DCDC1: variants seen among roughly 807,000 people sequenced by gnomAD.
DCDC1 encodes the protein doublecortin domain-containing protein 1.
DCDC1 carries 200 observed loss-of-function variants against 178.3 expected under a neutral mutation model. The ratio of observed to expected loss-of-function variants is 1.12; its 90% CI spans 1.00 to 1.26. The LOEUF (loss-of-function observed/expected upper bound fraction) is 1.26, where lower values mean the gene tolerates loss of function less well. Among genes scored for constraint, DCDC1 ranks in the 50% most tolerant of loss-of-function variants. The pLI is 0.00. For synonymous variants in DCDC1, 690 were observed against 604.8 expected, an observed-to-expected ratio of 1.14 and a Z score of -2.07; for missense variants, 1,983 against 1,749.2, an observed-to-expected ratio of 1.13 and a Z score of -2.38.
At chr11:31,359,430 G>T (rs1352486021) in intron 1 of DCDC1, among the ~76,000 whole-genome samples, 1 of 133,656 alleles carries the variant, frequency 7.5e-6, no homozygotes, top group Non-Finnish European at 1.6e-5. Flanking sequence ...TCTGGGGACT[G>T]TTGTGGGGTG....
chr11:31,293,852 G>A (rs1211845265), intron 6 of DCDC1, among the ~76,000 whole-genome samples: 2 of 152,162 alleles, frequency 1.3e-5, no homozygotes, highest in Admixed American at 6.5e-5. Context: ...CCTAATCACT[G>A]CACTCTTTTG....
intron 9 of DCDC1, among the ~76,000 whole-genome samples, chr11:31,186,856 T>C (rs1237479805): frequency 6.6e-6 from 1 of 152,200 alleles, no homozygotes. Flanking sequence ...TCCAATTATA[T>C]CTGTTGCAAA....
At position 31,290,859 on chromosome 11, in the gene DCDC1, G is replaced by A. The variant is rs762494038; in HGVS notation, c.755-7C>T. On this transcript the variant is annotated splice_polypyrimidine_tract_variant and splice_region_variant and intron_variant, in intron 6 of 38. Transcript: ENST00000684477. ...TTAATTAACAACAGATGGTCTAGAA[G>A]ATAATTTTTTAAGTCAAGTCAATAT... 1 of 1,600,806 alleles carries A rather than the reference G, an allele frequency of 6.2e-7. No individual in the cohort carries two copies. The highest frequency in any genetic ancestry group is 1.1e-5 in the South Asian group (1 of 88,172).
intron 7 of DCDC1, among the ~76,000 whole-genome samples, chr11:31,277,550 A>C (rs949023609): frequency 6.6e-6 from 1 of 152,056 alleles, no homozygotes; most frequent in African/African-American, 2.4e-5. Context: ...TAAATATAAG[A>C]TTTGCTATTT....
At chr11:31,226,553 T>A (rs1974976856) in intron 9 of DCDC1, among the ~76,000 whole-genome samples, 1 of 151,822 alleles carries the variant, frequency 6.6e-6, no homozygotes, top group African/African-American at 2.4e-5. Context: ...AGTCATTACA[T>A]AAAGATGTAC....
At chr11:31,106,474 G>C (rs1335466759) in intron 13 of DCDC1, among the ~76,000 whole-genome samples, 2 of 152,170 alleles carry the variant, frequency 1.3e-5, no homozygotes, top group Non-Finnish European at 2.9e-5. Flanking sequence ...AGTGTGATGG[G>C]CTTGGGCCCC....
chr11:31,324,734 T>C (rs1949557137), intron 3 of DCDC1, among the ~76,000 whole-genome samples: 1 of 152,090 alleles, frequency 6.6e-6, no homozygotes, highest in African/African-American at 2.4e-5. Context: ...GAAAAGGCAA[T>C]GTTTATATTT....
chr11:31,292,161 A>G (rs1340229958), intron 6 of DCDC1, among the ~76,000 whole-genome samples: 1 of 152,176 alleles, frequency 6.6e-6, no homozygotes, highest in Non-Finnish European at 1.5e-5. Flanking sequence ...AAGAGAAAAA[A>G]CATTTTAACA....
intron 11 of DCDC1, among the ~76,000 whole-genome samples, chr11:31,114,804 A>G (rs1174723952): frequency 3.9e-5 from 6 of 152,122 alleles, no homozygotes; most frequent in Admixed American, 2.6e-4. Context: ...TTATTAACAC[A>G]TTTTTTAAAA....
chr11:30,888,455 C>T (rs904130009), intron 36 of DCDC1, among the ~76,000 whole-genome samples: 2 of 152,180 alleles, frequency 1.3e-5, no homozygotes, highest in South Asian at 2.1e-4. Context: ...CGGTGGCTCA[C>T]GCCTGTAATC....
In DCDC1 at chr11:30,915,709, C is replaced by T. The variant is rs750386060; in HGVS notation, c.3455G>A (p.Cys1152Tyr). Residue 1152 changes from cysteine to tyrosine, a missense_variant and splice_region_variant, in exon 27 of 39, where the codon TGT becomes TAT. Transcript: ENST00000684477. ...ENVEPQKKHS[C>Y]SPKHSKLHKH... ...GTGCAATTTACTATGCTTTGGTGAA[C>T]AGCTGAGATAAAGAAATCTCTATTA... 6.5e-5 allele frequency: 104 copies of T among 1,611,578 alleles called. 1 individual carries two copies. In the South Asian group the frequency reaches 1.0e-3, roughly 16 times the overall value.
chr11:31,003,491 A>G (rs1951684661), intron 20 of DCDC1, among the ~76,000 whole-genome samples: 1 of 152,192 alleles, frequency 6.6e-6, no homozygotes, highest in Non-Finnish European at 1.5e-5. Flanking sequence ...GAAGCACATC[A>G]TAGAAGAAAC....
intron 22 of DCDC1, among the ~76,000 whole-genome samples, chr11:30,929,572 G>C (rs971627079): frequency 6.6e-6 from 1 of 151,878 alleles, no homozygotes; most frequent in Non-Finnish European, 1.5e-5. Flanking sequence ...AAATATGCAG[G>C]GATAGGTCAT....
chr11:31,003,459 G>C (rs899234408), intron 20 of DCDC1, among the ~76,000 whole-genome samples: 1 of 152,168 alleles, frequency 6.6e-6, no homozygotes, highest in Non-Finnish European at 1.5e-5. Flanking sequence ...GATGAGTGCT[G>C]AGATAGAAGC....
intron 1 of DCDC1, among the ~76,000 whole-genome samples, chr11:31,343,795 C>T (rs557247211): frequency 4.6e-5 from 7 of 152,088 alleles, no homozygotes; most frequent in African/African-American, 7.2e-5. Context: ...TGGCAGATGC[C>T]GGTAATCCCA....
intron 36 of DCDC1, among the ~76,000 whole-genome samples, chr11:30,881,821 T>G (rs1942702206): frequency 6.6e-6 from 1 of 152,206 alleles, no homozygotes; most frequent in Non-Finnish European, 1.5e-5. Context: ...TGTTTTCAAC[T>G]GATACATTTT....
chr11:31,116,332 C>G (rs1216730542), intron 11 of DCDC1, among the ~76,000 whole-genome samples: 1 of 151,464 alleles, frequency 6.6e-6, no homozygotes, highest in Non-Finnish European at 1.5e-5. Context: ...TGAGTTTTTA[C>G]CTAAATCAAA....
At chr11:30,933,840 A>G (rs569843923) in intron 21 of DCDC1, among the ~76,000 whole-genome samples, 13 of 152,272 alleles carry the variant, frequency 8.5e-5, no homozygotes, top group South Asian at 8.3e-4. Flanking sequence ...CTTCTACCCA[A>G]CATGTAAATG....
intron 38 of DCDC1, among the ~76,000 whole-genome samples, chr11:30,878,011 A>G (rs1942296205): frequency 6.6e-6 from 1 of 152,164 alleles, no homozygotes; most frequent in African/African-American, 2.4e-5. Context: ...TATTTCACTA[A>G]TGACTAGTAG....
Sources: allele counts gnomAD v4.1 joint callset (sites outside exome capture counted in the v4.1 genomes callset), GRCh38; gene constraint gnomAD v4.1.1; transcripts MANE v1.5; gene names NCBI Gene and HGNC (gene_info 2026-07-23, HGNC 2026-07-21).